Variants in SPRED1 observed in about 807,000 individuals in gnomAD.
SPRED1 encodes the protein sprouty related EVH1 domain containing 1.
A neutral mutation model predicts 52.3 loss-of-function variants in SPRED1; 18 were observed. That is an observed-to-expected ratio of 0.34 (90% CI 0.24 to 0.51). The LOEUF (loss-of-function observed/expected upper bound fraction) is 0.51. Ranked by LOEUF, SPRED1 falls within the 20% of genes least tolerant of loss-of-function variation. SPRED1 has a pLI of 0.97. For synonymous variants in SPRED1, 155 were observed against 179.7 expected, an observed-to-expected ratio of 0.86 and a Z score of 1.10; for missense variants, 485 against 551.0, an observed-to-expected ratio of 0.88 and a Z score of 1.20.
chr15:38,259,195 A>G (rs1304153414), intron 1 of SPRED1, among the ~76,000 whole-genome samples: 1 of 152,236 alleles, frequency 6.6e-6, no homozygotes, highest in African/African-American at 2.4e-5. Flanking sequence ...CTTTGGGCTT[A>G]ATAGCCATGT....
chr15:38,336,896 A>G (rs1384750525), intron 4 of SPRED1, among the ~76,000 whole-genome samples: 1 of 152,158 alleles, frequency 6.6e-6, no homozygotes, highest in Non-Finnish European at 1.5e-5. Flanking sequence ...GAACTTACTC[A>G]TGTGACCAAA....
At chr15:38,336,989 C>A (rs1273217179) in intron 4 of SPRED1, among the ~76,000 whole-genome samples, 6 of 152,090 alleles carry the variant, frequency 3.9e-5, no homozygotes, top group Non-Finnish European at 5.9e-5. Flanking sequence ...TACTTTGTGC[C>A]TAAAGCTTTT....
chr15:38,324,933 A>G, intron 4 of SPRED1, 124 bp downstream of exon 4: 1 of 851,910 alleles, frequency 1.2e-6, no homozygotes, highest in Non-Finnish European at 1.9e-6. Context: ...AGATTTCTCC[A>G]GAAGAAAAGA....
At chr15:38,282,181 A>G (rs1056602587) in intron 1 of SPRED1, among the ~76,000 whole-genome samples, 94 of 152,096 alleles carry the variant, frequency 6.2e-4, no homozygotes, top group African/African-American at 2.1e-3. Context: ...TTAAGTTAAC[A>G]TTTCTTATTC....
At chr15:38,337,268 AG>A (rs1266205138) in intron 4 of SPRED1, among the ~76,000 whole-genome samples, 2 of 152,212 alleles carry the variant, frequency 1.3e-5, no homozygotes, top group African/African-American at 4.8e-5. Context: ...AGAGTTAATT[AG>A]GTAGTAGGAA....
chr15:38,348,086 C>G (rs565588152), intron 5 of SPRED1, among the ~76,000 whole-genome samples: 23 of 151,988 alleles, frequency 1.5e-4, no homozygotes, highest in Non-Finnish European at 2.4e-4. Context: ...GACATTTTTA[C>G]TCTTTAGAAT....
intron 2 of SPRED1, among the ~76,000 whole-genome samples, chr15:38,312,831 T>G (rs899216418): frequency 3.9e-5 from 6 of 152,060 alleles, no homozygotes; most frequent in Non-Finnish European, 5.9e-5. Context: ...CTTTTAGTTT[T>G]GTCCCTCTTT....
intron 1 of SPRED1, 101 bp from the exon 2 acceptor site, chr15:38,299,272 C>A (rs947392765): frequency 2.4e-6 from 3 of 1,250,090 alleles, no homozygotes; most frequent in East Asian, 2.3e-5. Flanking sequence ...TTAGTCACCA[C>A]ATGTTAACTA....
At chr15:38,324,370 G>T (rs1465576258) in intron 3 of SPRED1, among the ~76,000 whole-genome samples, 1 of 152,092 alleles carries the variant, frequency 6.6e-6, no homozygotes, top group Non-Finnish European at 1.5e-5. Flanking sequence ...CTGGTTATGG[G>T]TACTAAATAC....
intron 2 of SPRED1, 58 bp downstream of exon 2, chr15:38,299,605 T>TA: frequency 6.6e-7 from 1 of 1,507,892 alleles, no homozygotes. Context: ...TGTTTAAAGT[T>TA]ATGATTAGTA....
At position 38,322,150 on chromosome 15, in the gene SPRED1, A is replaced by G. The variant is rs951699960; in HGVS notation, c.208-91A>G. 4 of 1,229,508 alleles carry G rather than the reference A, an allele frequency of 3.3e-6. No individual in the cohort carries two copies. In the African/African-American group the frequency reaches 6.0e-5, roughly 18 times the overall value. The allele number at this position is 1,229,508 out of a possible 1,614,324, so 76.2% of individuals were successfully genotyped here. A position where few individuals can be genotyped will look rare whatever the true frequency, so the allele number is the denominator to read the frequency against. ...ACTAAAAATTATTCATTAAAAAGTA[A>G]TAGCGTTGTATCACCTCAGTTTGTA... On this transcript the variant is annotated intron_variant, in intron 2 of 6. Coordinates refer to ENST00000299084, the MANE Select transcript of SPRED1 (RefSeq NM_152594.3).
intron 1 of SPRED1, among the ~76,000 whole-genome samples, chr15:38,287,953 T>C (rs1260827830): frequency 2.0e-5 from 3 of 152,176 alleles, no homozygotes; most frequent in African/African-American, 7.2e-5. Flanking sequence ...TTCTGATCTC[T>C]TAGGATCCAG....
chr15:38,257,653 GTGTGT>G (rs1894126893), intron 1 of SPRED1, among the ~76,000 whole-genome samples: 1 of 152,150 alleles, frequency 6.6e-6, no homozygotes, highest in Admixed American at 6.5e-5. Context: ...GTAGACATTT[GTGTGT>G]CTGTCTTTTT....
intron 4 of SPRED1, among the ~76,000 whole-genome samples, chr15:38,329,757 T>G (rs1895773743): frequency 1.3e-5 from 2 of 152,188 alleles, no homozygotes; most frequent in African/African-American, 4.8e-5. Flanking sequence ...ATTTGAATAT[T>G]TCTGCTTAGG....
intron 6 of SPRED1, 40 bp from the exon 7 acceptor site, chr15:38,350,974 T>A (rs747615028): frequency 1.3e-6 from 2 of 1,588,180 alleles, no homozygotes; most frequent in Middle Eastern, 1.6e-4. Context: ...AAATTAACCA[T>A]CATAGCCCTC....
At chr15:38,327,594 C>T (rs1406695780) in intron 4 of SPRED1, among the ~76,000 whole-genome samples, 1 of 152,196 alleles carries the variant, frequency 6.6e-6, no homozygotes, top group Non-Finnish European at 1.5e-5. Context: ...TGCCAACAAC[C>T]AGCAAGGAAC....
At chr15:38,296,726 T>G (rs1254047256) in intron 1 of SPRED1, among the ~76,000 whole-genome samples, 1 of 152,164 alleles carries the variant, frequency 6.6e-6, no homozygotes, top group Non-Finnish European at 1.5e-5. Context: ...TCGTCCTAGT[T>G]CAATTCAGTA....
intron 1 of SPRED1, among the ~76,000 whole-genome samples, chr15:38,287,328 A>G (rs918803625): frequency 2.0e-5 from 3 of 152,082 alleles, no homozygotes; most frequent in South Asian, 4.1e-4. Context: ...ACCTTCATCT[A>G]TTGCTGACTC....
chr15:38,318,241 G>T (rs1184760870), intron 2 of SPRED1, among the ~76,000 whole-genome samples: 10 of 151,790 alleles, frequency 6.6e-5, no homozygotes, highest in African/African-American at 2.4e-4. Context: ...GTATTTTCTC[G>T]TATTTTTATA....
Sources: gnomAD v4.1 joint callset for allele counts (sites outside exome capture counted in the v4.1 genomes callset) on GRCh38, gnomAD v4.1.1 for gene constraint, MANE v1.5 for transcripts, NCBI Gene and HGNC (gene_info 2026-07-23, HGNC 2026-07-21) for gene names.